GOLGA8A: variants seen among roughly 807,000 people sequenced by gnomAD.
The protein encoded by GOLGA8A is golgin subfamily A member 8A.
A neutral mutation model predicts 22.1 loss-of-function variants in GOLGA8A; 3 were observed. The observed-to-expected ratio is 0.14, with a 90% CI of 0.06 to 0.35. GOLGA8A has a LOEUF of 0.35. Among genes scored for constraint, GOLGA8A ranks in the 10% least tolerant of loss-of-function variants. The pLI, the probability that GOLGA8A is intolerant of heterozygous loss-of-function variation, is 1.00. For missense variants in GOLGA8A, 16 were observed against 233.2 expected, an observed-to-expected ratio of 0.07 and a Z score of 6.07; for synonymous variants, 7 against 91.7, an observed-to-expected ratio of 0.08 and a Z score of 5.28.
chr15:34,431,376 G>A lies in GOLGA8A; in HGVS notation c.-1123+4007C>T, dbSNP rs141785055. 7.0e-3 allele frequency among the ~76,000 whole-genome samples: 925 copies of A among 132,108 alleles called. 72 individuals are homozygous for A. Among genetic ancestry groups the A allele is most frequent in the African/African-American group, 0.025 (852 of 34,294 alleles). 86.7% of individuals were successfully genotyped at this position (132,108 alleles called of 152,430 possible). A position where few individuals can be genotyped will look rare whatever the true frequency, so the allele number is the denominator to read the frequency against. ...CACACACACACTCGTGTCACTTAAC[G>A]ACAGGCATATATATGTATATATATA... On this transcript the variant is annotated intron_variant, in intron 2 of 24. Coordinates refer to ENST00000359187, the MANE Select transcript of GOLGA8A (RefSeq NM_181077.5).
intron 2 of GOLGA8A, among the ~76,000 whole-genome samples, chr15:34,435,027 G>T (rs562595683): frequency 6.7e-6 from 1 of 149,744 alleles, no homozygotes; most frequent in East Asian, 2.0e-4. Flanking sequence ...CCGACCGCCA[G>T]TCCTCTCCTC....
intron 1 of GOLGA8A, among the ~76,000 whole-genome samples, chr15:34,437,039 C>G (rs1893555793): frequency 6.7e-6 from 1 of 148,894 alleles, no homozygotes; most frequent in Admixed American, 6.7e-5. Flanking sequence ...CCCGACCAGC[C>G]CGGCGAGACG....
chr15:34,400,229 ATG>A (rs1892001660), intron 6 of GOLGA8A, among the ~76,000 whole-genome samples: 1 of 101,236 alleles, frequency 9.9e-6, no homozygotes, highest in Non-Finnish European at 2.0e-5. Flanking sequence ...TTTTATATAT[ATG>A]TATTTTTTGA....
chr15:34,436,529 ACTAGCAG>A (rs1893521444), intron 1 of GOLGA8A, among the ~76,000 whole-genome samples: 1 of 149,908 alleles, frequency 6.7e-6, no homozygotes, highest in Non-Finnish European at 1.5e-5. Context: ...CTAAGTTAAG[ACTAGCAG>A]GCCCCTCTAA....
Position 34,431,740 on chromosome 15 carries a change from T to C in GOLGA8A, c.-1123+3643A>G, listed in dbSNP as rs796357192. On this transcript the variant is annotated intron_variant, in intron 2 of 24. Coordinates refer to ENST00000359187, the MANE Select transcript of GOLGA8A (RefSeq NM_181077.5). ...AGTCCGTACACTAGTGCAGACTTTA[T>C]AGACATTGTATACCTAGGCTACATT... Among the ~76,000 whole-genome samples, 14 of 149,046 alleles carry C rather than the reference T, an allele frequency of 9.4e-5. 1 individual carries two copies. Among genetic ancestry groups the C allele is most frequent in the African/African-American group, 3.5e-4 (14 of 40,480 alleles).
intron 2 of GOLGA8A, among the ~76,000 whole-genome samples, chr15:34,430,576 C>T (rs1349365666): frequency 1.5e-4 from 23 of 149,316 alleles, no homozygotes; most frequent in African/African-American, 5.7e-4. Context: ...CATCACTCAG[C>T]TGACAGCTTT....
At chr15:34,409,330 A>C in intron 2 of GOLGA8A, among the ~76,000 whole-genome samples, 1 of 92,040 alleles carries the variant, frequency 1.1e-5, no homozygotes, top group African/African-American at 4.2e-5. Flanking sequence ...AATGCCACCA[A>C]CTCTTCCAGC....
chr15:34,423,818 C>T lies in GOLGA8A; in HGVS notation c.-1123+11565G>A, dbSNP rs1232004910. ...TGAGTCACACATGCTGGCCCCACCA[C>T]CTGCTTTGAGAACCAGGGCTGTGCC... On this transcript the variant is annotated intron_variant, in intron 2 of 24. Coordinates refer to ENST00000359187, the MANE Select transcript of GOLGA8A (RefSeq NM_181077.5). Among the ~76,000 whole-genome samples the T allele has an allele frequency of 7.4e-5, 11 of 149,596 alleles. No individual in the cohort carries two copies. In the East Asian group the frequency reaches 2.2e-3, roughly 30 times the overall value.
At chr15:34,422,717 G>A (rs1368947458) in intron 2 of GOLGA8A, among the ~76,000 whole-genome samples, 1 of 90,254 alleles carries the variant, frequency 1.1e-5, no homozygotes, top group African/African-American at 3.0e-5. Flanking sequence ...GCGCTTGTGC[G>A]CTCTCTCTCG....
intron 6 of GOLGA8A, among the ~76,000 whole-genome samples, chr15:34,400,357 G>T (rs4984231): frequency 0.25 from 32,541 of 129,258 alleles, 1,055 homozygotes; most frequent in East Asian, 0.32. Flanking sequence ...CGAAGCGGGG[G>T]TTACATTACA....
At chr15:34,430,367 C>T (rs1893172950) in intron 2 of GOLGA8A, among the ~76,000 whole-genome samples, 1 of 149,148 alleles carries the variant, frequency 6.7e-6, no homozygotes, top group East Asian at 2.0e-4. Flanking sequence ...AGTTCACAGG[C>T]AGAATCTTCA....
intron 2 of GOLGA8A, among the ~76,000 whole-genome samples, chr15:34,422,733 G>GCTCTCTCT (rs377406455): frequency 6.2e-5 from 6 of 96,858 alleles, no homozygotes; most frequent in African/African-American, 1.6e-4. Context: ...TCTCGCTCTC[G>GCTCTCTCT]CTCTCTCTCT....
At chr15:34,425,279 C>T (rs1208285132) in intron 2 of GOLGA8A, among the ~76,000 whole-genome samples, 2 of 147,840 alleles carry the variant, frequency 1.4e-5, no homozygotes, top group African/African-American at 2.5e-5. Flanking sequence ...AATGGAGAAT[C>T]CAGAAACACA....
chr15:34,431,669 T>C (rs995106776), intron 2 of GOLGA8A, among the ~76,000 whole-genome samples: 1 of 148,674 alleles, frequency 6.7e-6, no homozygotes, highest in Non-Finnish European at 1.5e-5. Context: ...TCTAGGGCAC[T>C]TTCCATGAAT....
intron 2 of GOLGA8A, among the ~76,000 whole-genome samples, chr15:34,433,182 G>A (rs1184260004): frequency 6.7e-6 from 1 of 148,312 alleles, no homozygotes; most frequent in African/African-American, 2.5e-5. Context: ...ACGCAGGAGA[G>A]AGTCAGGCAG....
At chr15:34,431,203 G>C (rs2554783) in intron 2 of GOLGA8A, among the ~76,000 whole-genome samples, 142,926 of 144,416 alleles carry the variant, frequency 0.99, 70,824 homozygotes, top group Middle Eastern at 1. Flanking sequence ...ATTAAGAACA[G>C]ATACAACAGT....
chr15:34,380,005 C>T lies in GOLGA8A; in HGVS notation c.*1406G>A, dbSNP rs1891401473. ...TCCTGATAATACAGACATTCACAAA[C>T]AGTAGATTGCACCACAGTGTGTAAA... On this transcript the variant is annotated 3_prime_UTR_variant, in exon 25 of 25. Coordinates refer to ENST00000359187, the MANE Select transcript of GOLGA8A (RefSeq NM_181077.5). 1 of 152,662 alleles carries T rather than the reference C, an allele frequency of 6.6e-6. No homozygotes were observed. The highest frequency in any genetic ancestry group is 1.5e-5 in the Non-Finnish European group (1 of 68,050). 9.5% of individuals were successfully genotyped at this position (152,662 alleles called of 1,614,324 possible). A position where few individuals can be genotyped will look rare whatever the true frequency, so the allele number is the denominator to read the frequency against.
chr15:34,435,726 C>T (rs1395652234), intron 1 of GOLGA8A, among the ~76,000 whole-genome samples: 1 of 148,806 alleles, frequency 6.7e-6, no homozygotes, highest in Non-Finnish European at 1.5e-5. Context: ...ACAGACCACA[C>T]TTCCTAACAA....
At chr15:34,434,967 G>A (rs1232643239) in intron 2 of GOLGA8A, among the ~76,000 whole-genome samples, 2 of 149,572 alleles carry the variant, frequency 1.3e-5, no homozygotes, top group Non-Finnish European at 3.0e-5. Context: ...TGTGATCTCT[G>A]CCGAAGACAT....
Sources: allele counts gnomAD v4.1 joint callset (sites outside exome capture counted in the v4.1 genomes callset), GRCh38; gene constraint gnomAD v4.1.1; transcripts MANE v1.5; gene names NCBI Gene and HGNC (gene_info 2026-07-23, HGNC 2026-07-21).